TRMT11: variants seen among roughly 807,000 people sequenced by gnomAD.
TRMT11 encodes tRNA methyltransferase 11.
Under a neutral mutation model 62.8 loss-of-function variants are expected in TRMT11, and 53 were observed. The ratio of observed to expected loss-of-function variants is 0.84; its 90% CI spans 0.68 to 1.06. The LOEUF (loss-of-function observed/expected upper bound fraction) is 1.06, where lower values mean the gene tolerates loss of function less well. Among genes scored for constraint, TRMT11 ranks in the 50% least tolerant of loss-of-function variants. TRMT11 has a pLI of 0.00. For synonymous variants in TRMT11, 188 were observed against 190.3 expected (o/e 0.99, Z 0.10); for missense variants, 556 against 553.4 (o/e 1.00, Z -0.05).
the TRMT11 span, among the ~76,000 whole-genome samples, chr6:126,248,848 C>T: frequency 2.6e-5 from 4 of 152,112 alleles, no homozygotes; most frequent in African/African-American, 9.7e-5. Context: ...AAAACTGCCA[C>T]TACTCAATAC....
intron 21 of TRMT11, among the ~76,000 whole-genome samples, chr6:126,125,737 G>T (rs1777710157): frequency 6.6e-6 from 1 of 151,966 alleles, no homozygotes; most frequent in Non-Finnish European, 1.5e-5. Context: ...TTGTTCACTG[G>T]AGTTTATAGT....
At chr6:126,222,743 T>A in the TRMT11 span, among the ~76,000 whole-genome samples, 1 of 152,216 alleles carries the variant, frequency 6.6e-6, no homozygotes, top group Admixed American at 6.5e-5. Flanking sequence ...ATGGATGTCT[T>A]AAAGACAGCA....
chr6:126,250,673 A>G, the TRMT11 span, among the ~76,000 whole-genome samples: 1 of 152,128 alleles, frequency 6.6e-6, no homozygotes, highest in Non-Finnish European at 1.5e-5. Flanking sequence ...TGCCTTTTGT[A>G]GACACTCACT....
chr6:126,026,159 T>C (rs981120303), intron 12 of TRMT11, among the ~76,000 whole-genome samples: 1 of 152,164 alleles, frequency 6.6e-6, no homozygotes, highest in Non-Finnish European at 1.5e-5. Flanking sequence ...TTTATAAAAC[T>C]TCCCTATCCA....
At chr6:126,019,584 A>G (rs1795511841) in intron 11 of TRMT11, among the ~76,000 whole-genome samples, 2 of 152,156 alleles carry the variant, frequency 1.3e-5, no homozygotes, top group Non-Finnish European at 2.9e-5. Context: ...TTTTTCCTTT[A>G]AAAATTAGTA....
chr6:126,237,682 T>A, the TRMT11 span, among the ~76,000 whole-genome samples: 13 of 151,964 alleles, frequency 8.6e-5, no homozygotes, highest in East Asian at 1.9e-3. Context: ...CCGGGTCTCA[T>A]AAATAAATAA....
intron 8 of TRMT11, 89 bp downstream of exon 8, chr6:126,008,561 T>G (rs556247923): frequency 9.0e-7 from 1 of 1,106,616 alleles, no homozygotes; most frequent in South Asian, 1.2e-5. Context: ...AGAACACAAG[T>G]TTGAATTGCA....
At chr6:126,224,782 G>T in the TRMT11 span, among the ~76,000 whole-genome samples, 1 of 152,230 alleles carries the variant, frequency 6.6e-6, no homozygotes, top group Non-Finnish European at 1.5e-5. Context: ...GGCAAGGTTG[G>T]TGCACATGCC....
intron 17 of TRMT11, among the ~76,000 whole-genome samples, chr6:126,089,564 CG>C (rs1014786039): frequency 1.3e-5 from 2 of 152,188 alleles, no homozygotes; most frequent in African/African-American, 4.8e-5. Flanking sequence ...ATTCAAACTC[CG>C]GTCTGTTCAG....
At chr6:126,036,003 T>C (rs574144046) in intron 12 of TRMT11, among the ~76,000 whole-genome samples, 1 of 152,222 alleles carries the variant, frequency 6.6e-6, no homozygotes, top group South Asian at 2.1e-4. Context: ...ACGCTAGTAA[T>C]TGAGCCTGGG....
chr6:126,056,289 C>T lies in TRMT11; in HGVS notation c.*1437+3099C>T, dbSNP rs114969667. Among the ~76,000 whole-genome samples the T allele has an allele frequency of 3.5e-3, 535 of 152,258 alleles. 3 individuals are homozygous for T. Among genetic ancestry groups the T allele is most frequent in the African/African-American group, 0.012 (506 of 41,530 alleles). Reference sequence around the variant, plus strand: ...AGAGCCTAAAACTAAATCCATTAGGCGAGGAGTTGAATCATGGTAAGGAGT... The same window carrying T: ...AGAGCCTAAAACTAAATCCATTAGGTGAGGAGTTGAATCATGGTAAGGAGT... On this transcript the variant is annotated intron_variant and NMD_transcript_variant, in intron 17 of 22. Coordinates refer to the TRMT11 transcript ENST00000648977.
chr6:126,236,585 T>G, the TRMT11 span, among the ~76,000 whole-genome samples: 3 of 152,248 alleles, frequency 2.0e-5, no homozygotes, highest in Non-Finnish European at 4.4e-5. Flanking sequence ...GCACCAGGAA[T>G]GAATTTCCAT....
the TRMT11 span, among the ~76,000 whole-genome samples, chr6:126,243,932 TA>T: frequency 1.0e-3 from 155 of 151,754 alleles, no homozygotes; most frequent in Middle Eastern, 3.4e-3. Flanking sequence ...TAAAGTATAA[TA>T]AAAAAAGGGC....
chr6:126,067,454 G>A (rs1281173458), intron 17 of TRMT11, among the ~76,000 whole-genome samples: 1 of 152,124 alleles, frequency 6.6e-6, no homozygotes, highest in Non-Finnish European at 1.5e-5. Flanking sequence ...GAGTTTAGCT[G>A]CTTATTTTGC....
chr6:126,047,288 C>G (rs1776088155), intron 16 of TRMT11, among the ~76,000 whole-genome samples: 1 of 150,968 alleles, frequency 6.6e-6, no homozygotes, highest in African/African-American at 2.4e-5. Flanking sequence ...TATCCTGTAC[C>G]CATATAAACC....
At chr6:126,235,938 T>C in the TRMT11 span, among the ~76,000 whole-genome samples, 1 of 152,242 alleles carries the variant, frequency 6.6e-6, no homozygotes, top group Non-Finnish European at 1.5e-5. Context: ...TAGACAGAGC[T>C]TGTGAATTTT....
intron 1 of TRMT11, 115 bp from the exon 2 acceptor site, chr6:125,993,642 T>A: frequency 1.9e-6 from 1 of 516,958 alleles, no homozygotes; most frequent in Non-Finnish European, 3.4e-6. Flanking sequence ...CTTAAATGCC[T>A]CAGTTAGATC....
At chr6:126,151,943 C>CTTTCTTTTTCT (rs1554242330) in intron 21 of TRMT11, among the ~76,000 whole-genome samples, 1 of 33,898 alleles carries the variant, frequency 3.0e-5, no homozygotes, top group African/African-American at 1.1e-4. Context: ...TTCTTTCTTT[C>CTTTCTTTTTCT]TTTTCTTTCT....
chr6:126,239,827 T>C, the TRMT11 span, among the ~76,000 whole-genome samples: 1,929 of 152,334 alleles, frequency 0.013, 12 homozygotes, highest in Non-Finnish European at 0.018. Flanking sequence ...CCATTCTCCC[T>C]GTCACTTTCA....
Sources: gnomAD v4.1 joint callset for allele counts (sites outside exome capture counted in the v4.1 genomes callset) on GRCh38, gnomAD v4.1.1 for gene constraint, MANE v1.5 for transcripts, NCBI Gene and HGNC (gene_info 2026-07-23, HGNC 2026-07-21) for gene names.